The following ACTR1A variants were observed in gnomAD, a reference collection of about 807,000 sequenced individuals.
ACTR1A encodes the protein alpha-centractin.
Under a neutral mutation model 50.7 loss-of-function variants are expected in ACTR1A, and 10 were observed. That is an observed-to-expected ratio of 0.20 (90% CI 0.12 to 0.33). ACTR1A has a LOEUF of 0.33. Among genes scored for constraint, ACTR1A ranks in the 10% least tolerant of loss-of-function variants. The pLI, the probability that ACTR1A is intolerant of heterozygous loss-of-function variation, is 1.00. For synonymous variants in ACTR1A, 177 were observed against 184.2 expected (o/e 0.96, Z 0.32); for missense variants, 253 against 491.7 (o/e 0.51, Z 4.59).
At chr10:102,489,039 T>C in intron 3 of ACTR1A, 24 bp downstream of exon 3, 1 of 1,520,958 alleles carries the variant, frequency 6.6e-7, no homozygotes, top group Non-Finnish European at 8.9e-7. Flanking sequence ...GGCTTAAGGC[T>C]TGTTCTGTAG....
At position 102,491,641 on chromosome 10, in the gene ACTR1A, C is replaced by A. The variant is rs183392584; in HGVS notation, c.49-1028G>T. 8.5e-5 allele frequency among the ~76,000 whole-genome samples: 13 copies of A among 152,320 alleles called. No individual in the cohort carries two copies. The East Asian group carries it at 2.5e-3, about 29-fold the overall frequency. Reference sequence around the variant, plus strand: ...TCGAGTGAGGTGTCCAGAAAAGAATCTGAGTTCTCCCAGCATCTCAGGTAC... The same window carrying A: ...TCGAGTGAGGTGTCCAGAAAAGAATATGAGTTCTCCCAGCATCTCAGGTAC... On this transcript the variant is annotated intron_variant, in intron 1 of 10. Transcript: ENST00000369905.
intron 1 of ACTR1A, among the ~76,000 whole-genome samples, chr10:102,492,037 G>A (rs1442836107): frequency 2.7e-5 from 4 of 148,502 alleles, no homozygotes; most frequent in South Asian, 2.1e-4. Flanking sequence ...CCAAAGTGCT[G>A]GGATTATAGG....
rs545125434 is a variant in ACTR1A at position 102,488,326 on chromosome 10, C to G, written c.190-51G>C. The G allele has an allele frequency of 2.1e-5, 34 of 1,598,022 alleles. 1 individual carries two copies. In the South Asian group the frequency reaches 3.6e-4, roughly 17 times the overall value. On this transcript the variant is annotated intron_variant, in intron 3 of 10. Transcript: ENST00000369905. This position sits in a 1 kb window ranked among gnomAD's most constrained non-coding sequence, Gnocchi z 4.4. ...ACTGCAGTCAGGCTCCACCCAGGAC[C>G]CTGTTCTCCCAAGACTAAGCAGTGC...
At chr10:102,495,108 G>C (rs1462614759) in intron 1 of ACTR1A, among the ~76,000 whole-genome samples, 1 of 151,968 alleles carries the variant, frequency 6.6e-6, no homozygotes, top group Non-Finnish European at 1.5e-5. Context: ...ACCACACCAG[G>C]CCTACAAAAT....
rs757905610 is a variant in ACTR1A, at chr10:102,482,082, C to T, written c.844G>A (p.Ala282Thr). The change falls in exon 8 of 11, where the codon GCC (alanine) becomes ACC (threonine). Residue 282 changes from alanine (A) to threonine (T), a missense_variant. By Grantham distance (58) the Ala-to-Thr change is moderately conservative (BLOSUM62 0). This residue lies in a region of ACTR1A where 116 missense variants were observed against 155.9 expected (regional missense o/e 0.74). Coordinates refer to ENST00000369905, the MANE Select transcript of ACTR1A (RefSeq NM_005736.4). The surrounding 1 kb of genome is among the most constrained non-coding windows in gnomAD (Gnocchi z 5.6). ...AGGTCCATGTCTGACTTCTGAATGG[C>T]GAACACCAGGACCTCGTGGATGCCT... ...SEGIHEVLVF[A>T]IQKSDMDLRR... is the part of the protein sequence containing the mutation. 8.1e-6 allele frequency: 13 copies of T among 1,614,184 alleles called. No homozygotes were observed. The highest frequency in any genetic ancestry group is 4.0e-5 in the African/African-American group (3 of 75,042).
In ACTR1A at chr10:102,482,703, T is replaced by G; in HGVS notation, c.750+308A>C. ...AGGCTGGGGTGTCCAGTCTTTTGGC[T>G]TCCCTGGGCCACATTGGAAGAAGAA... On this transcript the variant is annotated intron_variant, in intron 7 of 10. Transcript: ENST00000369905. This position sits in a 1 kb window ranked among gnomAD's most constrained non-coding sequence, Gnocchi z 5.6. 2.9e-6 allele frequency: 1 copy of G among 349,810 alleles called. No homozygotes were observed. The highest frequency in any genetic ancestry group is 5.9e-5 in the East Asian group (1 of 17,036). The allele number at this position is 349,810 out of a possible 1,614,324, so 21.7% of individuals were successfully genotyped here.
intron 2 of ACTR1A, 29 bp downstream of exon 2, chr10:102,490,520 C>CG: frequency 6.3e-7 from 1 of 1,597,478 alleles, no homozygotes; most frequent in Non-Finnish European, 8.6e-7. Context: ...GATGAGCCTC[C>CG]AAAACGTCTA....
chr10:102,494,290 G>A (rs2135587353), intron 1 of ACTR1A, among the ~76,000 whole-genome samples: 1 of 152,330 alleles, frequency 6.6e-6, no homozygotes, highest in South Asian at 2.1e-4. Flanking sequence ...GAGGCCAGGA[G>A]TTTGAGACCA....
chr10:102,501,120 T>C (rs1246220027), intron 1 of ACTR1A, among the ~76,000 whole-genome samples: 1 of 150,100 alleles, frequency 6.7e-6, no homozygotes, highest in African/African-American at 2.4e-5. Context: ...AGCTCAATCC[T>C]GCCCCTTTCT....
rs771438996 is a variant in ACTR1A, at chr10:102,479,361, G to A, written c.*1502C>T. The A allele has an allele frequency of 1.4e-5, 5 of 370,338 alleles. No individual in the cohort carries two copies. Among genetic ancestry groups the A allele is most frequent in the Non-Finnish European group, 2.6e-5 (5 of 190,706 alleles). The allele number at this position is 370,338 out of a possible 1,614,324, so 22.9% of individuals were successfully genotyped here. On this transcript the variant is annotated 3_prime_UTR_variant, in exon 11 of 11. Transcript: ENST00000369905. The surrounding 1 kb of genome is among the most constrained non-coding windows in gnomAD (Gnocchi z 4.0). Reference sequence around the variant, plus strand: ...GAGTTGGTTAAGCGCACTGCAGTCCGCGGGGCGCTACGTTGCTTTCACACA... The same window carrying A: ...GAGTTGGTTAAGCGCACTGCAGTCCACGGGGCGCTACGTTGCTTTCACACA...
chr10:102,485,503 C>A lies in ACTR1A; in HGVS notation c.440+106G>T, dbSNP rs540872068. On this transcript the variant is annotated intron_variant, in intron 5 of 10. Coordinates refer to ENST00000369905, the MANE Select transcript of ACTR1A (RefSeq NM_005736.4). The stretch of plus-strand genomic sequence containing the variant: ...CCCACCATCTTTAACCTTTCCCTAG[C>A]AGAGGGGGCTCAAGTTACTCTGAAC... 16 of 1,473,938 alleles carry A rather than the reference C, an allele frequency of 1.1e-5. No individual in the cohort carries two copies. The East Asian group carries it at 3.0e-4, about 28-fold the overall frequency. The allele number at this position is 1,473,938 out of a possible 1,614,324, so 91.3% of individuals were successfully genotyped here. A position where few individuals can be genotyped will look rare whatever the true frequency, so the allele number is the denominator to read the frequency against.
intron 1 of ACTR1A, among the ~76,000 whole-genome samples, chr10:102,495,340 C>T (rs913543110): frequency 6.6e-6 from 1 of 151,912 alleles, no homozygotes; most frequent in Non-Finnish European, 1.5e-5. Context: ...GAGGCCAAGG[C>T]GGGCAGATCA....
At chr10:102,487,443 G>T (rs2135582779) in intron 4 of ACTR1A, among the ~76,000 whole-genome samples, 1 of 152,130 alleles carries the variant, frequency 6.6e-6, no homozygotes, top group East Asian at 1.9e-4. Context: ...AGCCGGGCAT[G>T]GTGGGGGGTG....
intron 1 of ACTR1A, among the ~76,000 whole-genome samples, chr10:102,501,671 G>A (rs1564652703): frequency 6.6e-6 from 1 of 152,216 alleles, no homozygotes; most frequent in Non-Finnish European, 1.5e-5. Context: ...TCTGCTATGT[G>A]ACCTTGGGCT....
chr10:102,496,802 G>C (rs1466009692), intron 1 of ACTR1A, among the ~76,000 whole-genome samples: 1 of 152,192 alleles, frequency 6.6e-6, no homozygotes, highest in Non-Finnish European at 1.5e-5. Context: ...AGTGAAATCT[G>C]AACATTGACT....
Position 102,488,162 on chromosome 10 carries a change from A to G in ACTR1A, c.303T>C (p.Thr101=), listed in dbSNP as rs2062177886. 1 of 1,612,858 alleles carries G rather than the reference A, an allele frequency of 6.2e-7. No individual in the cohort carries two copies. The highest frequency in any genetic ancestry group is 8.5e-7 in the Non-Finnish European group (1 of 1,179,044). The change falls in exon 4 of 11, where the codon ACT becomes ACC. Residue 101 remains threonine, a synonymous_variant. Coordinates refer to ENST00000369905, the MANE Select transcript of ACTR1A (RefSeq NM_005736.4). This position sits in a 1 kb window ranked among gnomAD's most constrained non-coding sequence, Gnocchi z 4.4. ...ACAGGATCCTCACCTCCTCTGAGAA[A>G]GTCTGCAGCTGGTCCTTAGAATAGA... ...QYVYSKDQLQ[T]FSEEHPVLLT...
intron 6 of ACTR1A, 191 bp downstream of exon 6, chr10:102,483,969 A>G (rs1341339083): frequency 1.7e-6 from 1 of 595,006 alleles, no homozygotes; most frequent in Non-Finnish European, 3.0e-6. Flanking sequence ...CCTTTCCCCC[A>G]ACAAGATGGC....
chr10:102,501,375 G>A (rs1401236023), intron 1 of ACTR1A, among the ~76,000 whole-genome samples: 2 of 152,042 alleles, frequency 1.3e-5, no homozygotes, highest in East Asian at 1.9e-4. Flanking sequence ...TATGCCTAAG[G>A]TCCCAAGAGC....
chr10:102,496,458 T>C (rs2135588877), intron 1 of ACTR1A, among the ~76,000 whole-genome samples: 1 of 152,386 alleles, frequency 6.6e-6, no homozygotes, highest in Admixed American at 6.5e-5. Flanking sequence ...TGACGTTTCT[T>C]CTTCCACATG....
Sources: allele counts gnomAD v4.1 joint callset (sites outside exome capture counted in the v4.1 genomes callset), GRCh38; gene constraint gnomAD v4.1.1; regional missense constraint gnomAD v4.1.1; non-coding constraint Gnocchi (gnomAD v3.1); transcripts MANE v1.5; gene names NCBI Gene and HGNC (gene_info 2026-07-23, HGNC 2026-07-21).